CSMD1: variants seen among roughly 807,000 people sequenced by gnomAD.
CSMD1 encodes CUB and sushi domain-containing protein 1.
Under a neutral mutation model 417.5 loss-of-function variants are expected in CSMD1, and 213 were observed. The ratio of observed to expected loss-of-function variants is 0.51; its 90% CI spans 0.46 to 0.57. CSMD1 has a LOEUF of 0.57. Among genes scored for constraint, CSMD1 ranks in the 20% least tolerant of loss-of-function variants. The probability of loss-of-function intolerance (pLI) is 0.00; values close to 1 mark genes in which losing one functional copy is unlikely to be tolerated. For missense variants in CSMD1, 6,923 were observed against 4,529.7 expected, an observed-to-expected ratio of 1.53 and a Z score of -15.17; for synonymous variants, 2,862 against 1,736.8, an observed-to-expected ratio of 1.65 and a Z score of -16.11.
At chr8:4,144,139 A>G (rs1049502324) in intron 3 of CSMD1, among the ~76,000 whole-genome samples, 5 of 151,030 alleles carry the variant, frequency 3.3e-5, no homozygotes, top group African/African-American at 1.2e-4. Context: ...CCAGACCCAG[A>G]TGTTTCCCTT....
intron 7 of CSMD1, among the ~76,000 whole-genome samples, chr8:3,699,566 T>A (rs569731020): frequency 6.6e-6 from 1 of 152,332 alleles, no homozygotes; most frequent in Admixed American, 6.5e-5. Context: ...ATTTTATGGG[T>A]TGATCTACTA....
intron 12 of CSMD1, among the ~76,000 whole-genome samples, chr8:3,432,526 T>C (rs911573569): frequency 2.7e-5 from 4 of 149,232 alleles, no homozygotes; most frequent in Non-Finnish European, 5.9e-5. Context: ...TTTTTTTTTT[T>C]TTGAGATGGA....
In CSMD1 at chr8:4,112,680, T is replaced by C. The variant is rs533378994; in HGVS notation, c.416-80581A>G. On this transcript the variant is annotated intron_variant, in intron 3 of 69. Transcript: ENST00000635120. ...ATCCCACAAACCCCAGACAAGCCCC[T>C]ATATTTATATATGAGGGTTTGCAAG... is the stretch of plus-strand genomic sequence containing the variant. 1.1e-4 allele frequency among the ~76,000 whole-genome samples: 17 copies of C among 152,350 alleles called. No individual in the cohort carries two copies. In the East Asian group the frequency reaches 2.7e-3, roughly 24 times the overall value.
intron 3 of CSMD1, among the ~76,000 whole-genome samples, chr8:4,137,319 G>T (rs1005978348): frequency 6.6e-6 from 1 of 152,140 alleles, no homozygotes; most frequent in Non-Finnish European, 1.5e-5. Context: ...TGGCACTCAG[G>T]CTAACCTTGC....
At chr8:3,179,144 A>T (rs1182008252) in intron 37 of CSMD1, among the ~76,000 whole-genome samples, 7 of 150,368 alleles carry the variant, frequency 4.7e-5, no homozygotes, top group African/African-American at 1.5e-4. Context: ...ACGGGGTTTC[A>T]ACGTGTTAGC....
intron 5 of CSMD1, among the ~76,000 whole-genome samples, chr8:3,885,731 T>C (rs551738539): frequency 6.6e-6 from 1 of 152,280 alleles, no homozygotes; most frequent in South Asian, 2.1e-4. Context: ...CTCAGGAATA[T>C]CAGCCCCTTC....
intron 26 of CSMD1, among the ~76,000 whole-genome samples, chr8:3,272,113 T>C (rs1311168765): frequency 6.8e-6 from 1 of 147,968 alleles, no homozygotes; most frequent in African/African-American, 2.5e-5. Context: ...TTGTATAAGG[T>C]GTAAGGAAGG....
chr8:3,345,416 C>G (rs1407661071), intron 22 of CSMD1, among the ~76,000 whole-genome samples: 3 of 152,042 alleles, frequency 2.0e-5, no homozygotes, highest in Non-Finnish European at 4.4e-5. Context: ...AAGTGTATGT[C>G]GTTGATGAAC....
chr8:3,598,754 CCTT>C lies in CSMD1; in HGVS notation c.1098-12497_1098-12495del, dbSNP rs1244421494. On this transcript the variant is annotated intron_variant, in intron 8 of 69. Transcript: ENST00000635120. ...TAGTGATTTGTAATTTCCCCCCGCC[CCTT>C]CTTTTGAGAACAGCAGATACAAAGC... Among the ~76,000 whole-genome samples, 4 of 152,094 alleles carry C rather than the reference CCTT, an allele frequency of 2.6e-5. No individual in the cohort carries two copies. The East Asian group carries it at 7.7e-4, about 29-fold the overall frequency.
intron 41 of CSMD1, among the ~76,000 whole-genome samples, chr8:3,126,602 C>T (rs1817526019): frequency 6.6e-6 from 1 of 152,164 alleles, no homozygotes. Context: ...AGAAGCTCAC[C>T]AATTTCCCAT....
intron 3 of CSMD1, among the ~76,000 whole-genome samples, chr8:4,074,181 T>C (rs1585256101): frequency 6.6e-6 from 1 of 152,204 alleles, no homozygotes; most frequent in East Asian, 1.9e-4. Context: ...ATGGTCCAAA[T>C]TAGTTAATGT....
intron 5 of CSMD1, among the ~76,000 whole-genome samples, chr8:3,894,587 G>A (rs1028842039): frequency 6.6e-6 from 1 of 152,090 alleles, no homozygotes; most frequent in East Asian, 1.9e-4. Context: ...TTGATTTGTT[G>A]TCTGTATGGG....
At chr8:4,424,867 A>C (rs1385346376) in intron 2 of CSMD1, among the ~76,000 whole-genome samples, 1 of 152,074 alleles carries the variant, frequency 6.6e-6, no homozygotes, top group Non-Finnish European at 1.5e-5. Flanking sequence ...CTCTTTGTAT[A>C]ATTTCTTTTA....
intron 11 of CSMD1, among the ~76,000 whole-genome samples, chr8:3,475,025 T>C (rs897061787): frequency 1.9e-4 from 29 of 152,246 alleles, no homozygotes; most frequent in African/African-American, 6.5e-4. Flanking sequence ...GCTCCAGCCA[T>C]ATTTATTTTT....
chr8:3,456,298 T>G (rs11781867), intron 12 of CSMD1, among the ~76,000 whole-genome samples: 113,308 of 151,170 alleles, frequency 0.75, 42,512 homozygotes, highest in East Asian at 0.85. Context: ...GCTCATGCTT[T>G]GTGTGCTGCA....
intron 10 of CSMD1, among the ~76,000 whole-genome samples, chr8:3,518,822 T>C (rs958913918): frequency 6.6e-6 from 1 of 152,078 alleles, no homozygotes. Context: ...TTTCTATAAA[T>C]CAAACTAATA....
chr8:4,079,368 T>G (rs930881720), intron 3 of CSMD1, among the ~76,000 whole-genome samples: 13 of 152,348 alleles, frequency 8.5e-5, no homozygotes, highest in Middle Eastern at 3.4e-3. Context: ...TTATGTAATC[T>G]GTAATCAGGC....
intron 1 of CSMD1, among the ~76,000 whole-genome samples, chr8:4,880,095 A>G (rs1803297530): frequency 6.6e-6 from 1 of 152,050 alleles, no homozygotes; most frequent in African/African-American, 2.4e-5. Context: ...GGCCGTTGTA[A>G]TCTTATTATT....
chr8:4,429,018 T>A (rs1797720778), intron 2 of CSMD1, among the ~76,000 whole-genome samples: 1 of 152,034 alleles, frequency 6.6e-6, no homozygotes, highest in Admixed American at 6.6e-5. Flanking sequence ...GTCGGCCTTA[T>A]CTTAGGTATT....
Sources: allele counts gnomAD v4.1 joint callset (sites outside exome capture counted in the v4.1 genomes callset), GRCh38; gene constraint gnomAD v4.1.1; transcripts MANE v1.5; gene names NCBI Gene and HGNC (gene_info 2026-07-23, HGNC 2026-07-21).